The following EIF5B variants were observed in gnomAD, a reference collection of about 807,000 sequenced individuals.
The protein encoded by EIF5B is eIF-5B.
In EIF5B, 47 loss-of-function variants were observed where a neutral mutation model predicts 147.5. The observed-to-expected ratio is 0.32, with a 90% CI of 0.25 to 0.41. EIF5B has a LOEUF of 0.41. EIF5B is among the 10% of genes least tolerant of loss of function. EIF5B has a pLI of 1.00. For synonymous variants in EIF5B, 455 were observed against 456.2 expected (o/e 1.00, Z 0.03); for missense variants, 1,064 against 1,413.2 (o/e 0.75, Z 3.96).
At chr2:99,367,438 T>TC (rs1431995816) in intron 6 of EIF5B, among the ~76,000 whole-genome samples, 2 of 151,258 alleles carry the variant, frequency 1.3e-5, no homozygotes, top group African/African-American at 4.9e-5. Context: ...ACTCTTTTTT[T>TC]TTTTTTCTCT....
intron 1 of EIF5B, chr2:99,340,720 G>C (rs1360849809): frequency 6.6e-6 from 1 of 151,780 alleles, no homozygotes; most frequent in Non-Finnish European, 1.5e-5. Flanking sequence ...TAGAATTCTA[G>C]AATTTTGCTT....
intron 21 of EIF5B, among the ~76,000 whole-genome samples, chr2:99,395,661 T>C (rs538196602): frequency 2.6e-5 from 4 of 152,212 alleles, no homozygotes; most frequent in African/African-American, 7.2e-5. Context: ...TGCAGGACAA[T>C]TGACACATGT....
At chr2:99,359,389 GA>G (rs976069285) in intron 1 of EIF5B, among the ~76,000 whole-genome samples, 1 of 151,524 alleles carries the variant, frequency 6.6e-6, no homozygotes, top group African/African-American at 2.4e-5. Context: ...AAAAAAAAAA[GA>G]AATTTTCTTT....
Position 99,394,557 on chromosome 2 carries a change from G to C in EIF5B, c.3061G>C (p.Ala1021Pro), listed in dbSNP as rs1417930097. The C allele has an allele frequency of 6.2e-7, 1 of 1,614,046 alleles. No homozygotes were observed. Among genetic ancestry groups the C allele is most frequent in the African/African-American group, 1.3e-5 (1 of 74,926 alleles). The change falls in exon 20 of 24, where the codon GCT becomes CCT. Residue 1021 changes from alanine to proline, a missense_variant. By Grantham distance (27) the Ala-to-Pro change is conservative. Around this residue, in one of 4 missense-constraint regions of EIF5B, gnomAD observed 380 missense variants for 715.6 expected, o/e 0.53. Coordinates refer to ENST00000289371, the MANE Select transcript of EIF5B (RefSeq NM_015904.4). ...AGTGCATAAAAAAGATGTTATGAAG[G>C]CTTCAGTGATGTTGGAACATGACCC... ...GPVHKKDVMK[A>P]SVMLEHDPQY...
chr2:99,343,202 C>A (rs71413832), intron 1 of EIF5B, among the ~76,000 whole-genome samples: 2 of 151,612 alleles, frequency 1.3e-5, no homozygotes, highest in Non-Finnish European at 1.5e-5. Flanking sequence ...GTGATCCATC[C>A]GTCTTGGCTT....
intron 21 of EIF5B, 68 bp downstream of exon 21, chr2:99,394,951 G>C: frequency 7.1e-7 from 1 of 1,409,514 alleles, no homozygotes; most frequent in Non-Finnish European, 9.5e-7. Context: ...CTGAATTCCA[G>C]AAAGGGCTGT....
At chr2:99,346,229 G>T (rs1016048776) in intron 1 of EIF5B, among the ~76,000 whole-genome samples, 7 of 152,158 alleles carry the variant, frequency 4.6e-5, no homozygotes, top group African/African-American at 1.7e-4. Flanking sequence ...TGTCTCTAGA[G>T]TACCAAGGGT....
rs1299484392 is a variant in EIF5B, at chr2:99,390,541, T to C, written c.2587-3T>C. The C allele has an allele frequency of 6.2e-7, 1 of 1,603,722 alleles. No individual in the cohort carries two copies. Among genetic ancestry groups the C allele is most frequent in the African/African-American group, 1.3e-5 (1 of 74,656 alleles). ...TCTTTCTCTTTGCATTAATGCCTTT[T>C]AGGTTAAAGCTCTCCCGGGGATGGG... On this transcript the variant is annotated splice_region_variant and splice_polypyrimidine_tract_variant and intron_variant, in intron 16 of 23. Transcript: ENST00000289371.
At chr2:99,340,035 TTG>T (rs1212924662) in intron 1 of EIF5B, among the ~76,000 whole-genome samples, 1 of 152,200 alleles carries the variant, frequency 6.6e-6, no homozygotes, top group African/African-American at 2.4e-5. Flanking sequence ...TTGATACATT[TTG>T]TGAGTGTGTG....
rs1450410664 is a variant in EIF5B, at chr2:99,399,647, C to G, written c.*233C>G. 5 of 448,378 alleles carry G rather than the reference C, an allele frequency of 1.1e-5. No individual in the cohort carries two copies. Among genetic ancestry groups the G allele is most frequent in the Middle Eastern group, 6.4e-4 (1 of 1,568 alleles). 27.8% of individuals were successfully genotyped at this position (448,378 alleles called of 1,614,324 possible). A position where few individuals can be genotyped will look rare whatever the true frequency, so the allele number is the denominator to read the frequency against. ...CCAATGTGCCTGTTCACTCACCTCTCCCTTCCCCAACCCTTCTCTACTTGG... is the reference window on the plus strand; with the variant it reads ...CCAATGTGCCTGTTCACTCACCTCTGCCTTCCCCAACCCTTCTCTACTTGG... On this transcript the variant is annotated 3_prime_UTR_variant, in exon 24 of 24. Coordinates refer to ENST00000289371, the MANE Select transcript of EIF5B (RefSeq NM_015904.4).
rs780593052 is a variant in EIF5B, at chr2:99,390,203, T to C, written c.2404-16T>C. ...TTTCTTTACAGCCTGGCATTTTGGATGATTTTTGCTCCTAGGGTTTGAATG... is the reference window on the plus strand; with the variant it reads ...TTTCTTTACAGCCTGGCATTTTGGACGATTTTTGCTCCTAGGGTTTGAATG... On this transcript the variant is annotated splice_polypyrimidine_tract_variant and intron_variant, in intron 15 of 23. Coordinates refer to ENST00000289371, the MANE Select transcript of EIF5B (RefSeq NM_015904.4). 8 of 1,613,102 alleles carry C rather than the reference T, an allele frequency of 5.0e-6. No homozygotes were observed. In the Admixed American group the frequency reaches 1.0e-4, roughly 20 times the overall value.
intron 14 of EIF5B, among the ~76,000 whole-genome samples, chr2:99,383,465 A>G (rs1674733669): frequency 6.6e-6 from 1 of 152,180 alleles, no homozygotes; most frequent in Non-Finnish European, 1.5e-5. Context: ...GTTCAAGTGA[A>G]AGGAGGAGTC....
chr2:99,392,968 AC>A lies in EIF5B; in HGVS notation c.2752del (p.Gln918SerfsTer8). ...TAACAAATGTTTTTATCTCTGTAGA[AC>A]CAGTATGAAAAGCATAAAGAAGTAG... ...PPPMKELRVK[N>X]QYEKHKEVEA... On this transcript the variant is annotated frameshift_variant and splice_region_variant, in exon 18 of 24. Coordinates refer to ENST00000289371, the MANE Select transcript of EIF5B (RefSeq NM_015904.4). LOFTEE classifies it high-confidence loss of function. 1 of 1,521,950 alleles carries A rather than the reference AC, an allele frequency of 6.6e-7. No homozygotes were observed. Among genetic ancestry groups the A allele is most frequent in the Non-Finnish European group, 8.8e-7 (1 of 1,135,716 alleles). The allele number at this position is 1,521,950 out of a possible 1,614,324, so 94.3% of individuals were successfully genotyped here. A position where few individuals can be genotyped will look rare whatever the true frequency, so the allele number is the denominator to read the frequency against.
intron 20 of EIF5B, 61 bp from the exon 21 acceptor site, chr2:99,394,658 T>G: frequency 6.2e-7 from 1 of 1,610,878 alleles, no homozygotes; most frequent in East Asian, 2.2e-5. Context: ...CTTAAAAAAC[T>G]GTCCTCTGTG....
At chr2:99,383,454 T>G (rs1050457498) in intron 14 of EIF5B, among the ~76,000 whole-genome samples, 3 of 152,108 alleles carry the variant, frequency 2.0e-5, no homozygotes, top group Non-Finnish European at 4.4e-5. Context: ...GACCTGTAAG[T>G]GTTCAAGTGA....
chr2:99,394,075 A>G (rs1674994775), intron 18 of EIF5B, among the ~76,000 whole-genome samples, 192 bp from the exon 19 acceptor site: 1 of 152,230 alleles, frequency 6.6e-6, no homozygotes, highest in Non-Finnish European at 1.5e-5. Context: ...GGTGAAGCGA[A>G]ATACAGTTAG....
intron 1 of EIF5B, 125 bp from the exon 2 acceptor site, chr2:99,360,111 C>G: frequency 8.5e-7 from 1 of 1,178,984 alleles, no homozygotes; most frequent in Non-Finnish European, 1.1e-6. Context: ...AATGAAAGAA[C>G]TTGCCAAATG....
intron 1 of EIF5B, chr2:99,338,465 A>G: frequency 1.8e-6 from 1 of 565,656 alleles, no homozygotes; most frequent in Middle Eastern, 3.1e-4. Context: ...GGCGGAGAGT[A>G]AGGTAAATTA....
At chr2:99,389,222 A>C (rs180700408) in intron 14 of EIF5B, among the ~76,000 whole-genome samples, 1 of 152,290 alleles carries the variant, frequency 6.6e-6, no homozygotes, top group African/African-American at 2.4e-5. Flanking sequence ...ATGCTCATTT[A>C]TCTCTCATGT....
Sources: gnomAD v4.1 joint callset for allele counts (sites outside exome capture counted in the v4.1 genomes callset) on GRCh38, gnomAD v4.1.1 for gene constraint, gnomAD v4.1.1 regional missense constraint, MANE v1.5 for transcripts, NCBI Gene and HGNC (gene_info 2026-07-23, HGNC 2026-07-21) for gene names.